Variants in TTC8 observed in about 807,000 individuals in gnomAD.
The protein encoded by TTC8 is tetratricopeptide repeat domain 8, also known as tetratricopeptide repeat protein 8.
A neutral mutation model predicts 72.5 loss-of-function variants in TTC8; 47 were observed. The observed-to-expected ratio is 0.65, with a 90% CI of 0.51 to 0.83. The LOEUF is 0.83. TTC8 is among the 40% of genes least tolerant of loss of function. The probability of loss-of-function intolerance (pLI) is 0.00; values close to 1 mark genes in which losing one functional copy is unlikely to be tolerated. For synonymous variants in TTC8, 199 were observed against 221.4 expected (o/e 0.90, Z 0.90); for missense variants, 611 against 623.2 (o/e 0.98, Z 0.21).
chr14:88,833,476 T>G (rs1423540779), intron 1 of TTC8, among the ~76,000 whole-genome samples: 1 of 152,226 alleles, frequency 6.6e-6, no homozygotes, highest in Non-Finnish European at 1.5e-5. Flanking sequence ...GTTAGATTAA[T>G]TAGAATTTTC....
Position 88,852,981 on chromosome 14 carries a change from T to C in TTC8, c.635T>C (p.Leu212Pro). ...GAATTGTTTTCAAAGGCTTTGGATC[T>C]GGCTGCCCTCTCCACAGAACATTCT... The part of the protein sequence containing the change: ...HENDVKTALD[L>P]AALSTEHSQY... Residue 212 changes from leucine (L) to proline (P), a missense_variant, in exon 8 of 15, where the codon CTG (leucine) becomes CCG (proline). Coordinates refer to ENST00000380656, the MANE Select transcript of TTC8 (RefSeq NM_144596.4). 6.2e-7 allele frequency: 1 copy of C among 1,613,428 alleles called. No individual in the cohort carries two copies. The highest frequency in any genetic ancestry group is 8.5e-7 in the Non-Finnish European group (1 of 1,179,498).
At chr14:88,861,385 T>C (rs2094885239) in intron 10 of TTC8, 53 bp downstream of exon 10, 1 of 1,351,676 alleles carries the variant, frequency 7.4e-7, no homozygotes, top group African/African-American at 1.5e-5. Context: ...GTTTTACATA[T>C]TTTTGTGGTA....
intron 7 of TTC8, among the ~76,000 whole-genome samples, chr14:88,852,377 A>G: frequency 6.6e-6 from 1 of 152,204 alleles, no homozygotes; most frequent in Admixed American, 6.5e-5. Context: ...AGTTTGTGGC[A>G]AAGGGCAGTC....
rs1383770530 is a variant in TTC8, at chr14:88,847,724, CTCTA to C, written c.624+3879_624+3882del. ...AGACTTACTGATGCATATGTGTAAT[CTCTA>C]TCTAGTGGACAGAAACAAAATCAGA... On this transcript the variant is annotated intron_variant, in intron 7 of 14. Coordinates refer to ENST00000380656, the MANE Select transcript of TTC8 (RefSeq NM_144596.4). Among the ~76,000 whole-genome samples, 6 of 151,984 alleles carry C rather than the reference CTCTA, an allele frequency of 3.9e-5. No homozygotes were observed. The South Asian group carries it at 6.2e-4, about 16-fold the overall frequency.
chr14:88,861,338 T>C lies in TTC8; in HGVS notation c.909+6T>C. 6.4e-7 allele frequency: 1 copy of C among 1,563,830 alleles called. No homozygotes were observed. Among genetic ancestry groups the C allele is most frequent in the Non-Finnish European group, 8.8e-7 (1 of 1,136,424 alleles). ...GAATTGCAAGAATCTATGAGGTAAT[T>C]CATGTTATTATTATTATTATTTATT... On this transcript the variant is annotated splice_donor_region_variant and intron_variant, in intron 10 of 14. Coordinates refer to ENST00000380656, the MANE Select transcript of TTC8 (RefSeq NM_144596.4).
downstream of TTC8, chr14:88,878,841 C>T (rs1197449235): frequency 6.6e-6 from 1 of 152,168 alleles, no homozygotes; most frequent in Non-Finnish European, 1.5e-5. Flanking sequence ...ATTTCATTCT[C>T]ACCGTAGTCC....
At chr14:88,865,741 A>G (rs1318879419) in intron 10 of TTC8, among the ~76,000 whole-genome samples, 3 of 152,130 alleles carry the variant, frequency 2.0e-5, no homozygotes, top group Non-Finnish European at 4.4e-5. Context: ...TGTGAATTGG[A>G]TCAAAAATAA....
intron 8 of TTC8, among the ~76,000 whole-genome samples, chr14:88,854,271 C>A (rs1019546127): frequency 6.6e-6 from 1 of 152,194 alleles, no homozygotes; most frequent in African/African-American, 2.4e-5. Context: ...CATCCATATA[C>A]GATGGCATTT....
chr14:88,866,704 C>G (rs558585408), intron 10 of TTC8, among the ~76,000 whole-genome samples: 2 of 152,122 alleles, frequency 1.3e-5, no homozygotes, highest in African/African-American at 2.4e-5. Context: ...AAACACTGAG[C>G]CTTCCTGTGT....
intron 14 of TTC8, among the ~76,000 whole-genome samples, chr14:88,875,404 G>A (rs936867392): frequency 1.3e-5 from 2 of 152,058 alleles, no homozygotes; most frequent in Non-Finnish European, 2.9e-5. Context: ...TCCTGGTTTG[G>A]GAAATGTTTA....
intron 8 of TTC8, among the ~76,000 whole-genome samples, chr14:88,853,576 A>T (rs1595960070): frequency 6.6e-6 from 1 of 152,230 alleles, no homozygotes; most frequent in South Asian, 2.1e-4. Context: ...CCTCACAAAG[A>T]TAAAGTGATT....
intron 7 of TTC8, among the ~76,000 whole-genome samples, chr14:88,847,337 G>A (rs76388411): frequency 0.022 from 3,401 of 152,262 alleles, 113 homozygotes; most frequent in African/African-American, 0.078. Flanking sequence ...AGGGAGGTGT[G>A]TTACCTGTCT....
At chr14:88,854,782 C>T (rs1421384316) in intron 8 of TTC8, among the ~76,000 whole-genome samples, 2 of 152,252 alleles carry the variant, frequency 1.3e-5, no homozygotes, top group Non-Finnish European at 1.5e-5. Flanking sequence ...ATCTCCTGGG[C>T]TTAAGCCATC....
intron 8 of TTC8, among the ~76,000 whole-genome samples, chr14:88,855,044 T>A (rs2094849933): frequency 6.6e-6 from 1 of 152,192 alleles, no homozygotes; most frequent in Non-Finnish European, 1.5e-5. Context: ...CCTAACATGC[T>A]GTTTACTTTA....
intron 1 of TTC8, among the ~76,000 whole-genome samples, chr14:88,825,653 G>A (rs2140946091): frequency 6.6e-6 from 1 of 152,346 alleles, no homozygotes; most frequent in African/African-American, 2.4e-5. Flanking sequence ...AGTAAGTGCG[G>A]AATATACCTA....
chr14:88,870,566 A>G (rs559985925), intron 11 of TTC8, among the ~76,000 whole-genome samples: 1 of 152,346 alleles, frequency 6.6e-6, no homozygotes, highest in East Asian at 1.9e-4. Context: ...AAAGATTTGC[A>G]AAGAGCATTT....
intron 8 of TTC8, among the ~76,000 whole-genome samples, chr14:88,856,569 G>A (rs2094857088): frequency 6.6e-6 from 1 of 152,074 alleles, no homozygotes; most frequent in African/African-American, 2.4e-5. Flanking sequence ...TCTTTCCTGG[G>A]TGTAAGAGGT....
intron 1 of TTC8, among the ~76,000 whole-genome samples, chr14:88,828,716 G>T (rs1303549290): frequency 1.3e-5 from 2 of 151,960 alleles, no homozygotes; most frequent in Non-Finnish European, 2.9e-5. Flanking sequence ...TTTGTTATTT[G>T]TTAATCTTTT....
rs569105375 is a variant in TTC8, at chr14:88,846,675, T to G, written c.624+2825T>G. 2 of 1,432,610 alleles carry G rather than the reference T, an allele frequency of 1.4e-6. No individual in the cohort carries two copies. The highest frequency in any genetic ancestry group is 1.4e-5 in the African/African-American group (1 of 70,946). 88.7% of individuals were successfully genotyped at this position (1,432,610 alleles called of 1,614,324 possible). On this transcript the variant is annotated intron_variant, in intron 7 of 14. Coordinates refer to ENST00000380656, the MANE Select transcript of TTC8 (RefSeq NM_144596.4). ...GGAATAAAAATCACATTGAAAAAAA[T>G]GTAAGATTTATTCCCTGCACTACTG...
Sources: gnomAD v4.1 joint callset for allele counts (sites outside exome capture counted in the v4.1 genomes callset) on GRCh38, gnomAD v4.1.1 for gene constraint, MANE v1.5 for transcripts, NCBI Gene and HGNC (gene_info 2026-07-23, HGNC 2026-07-21) for gene names.